The following GRB14 variants were observed in gnomAD, a reference collection of about 807,000 sequenced individuals.
GRB14 encodes growth factor receptor-bound protein 14.
Under a neutral mutation model 69.1 loss-of-function variants are expected in GRB14, and 38 were observed. The observed-to-expected ratio is 0.55, with a 90% CI of 0.42 to 0.72. The LOEUF (loss-of-function observed/expected upper bound fraction) is 0.72, where lower values mean the gene tolerates loss of function less well. Among genes scored for constraint, GRB14 ranks in the 30% least tolerant of loss-of-function variants. The pLI, the probability that GRB14 is intolerant of heterozygous loss-of-function variation, is 0.00. For synonymous variants in GRB14, 247 were observed against 241.3 expected (o/e 1.02, Z -0.22); for missense variants, 666 against 666.1 (o/e 1.00, Z 0.00).
chr2:164,531,339 C>T (rs1250396332), intron 3 of GRB14, among the ~76,000 whole-genome samples: 1 of 152,212 alleles, frequency 6.6e-6, no homozygotes, highest in Non-Finnish European at 1.5e-5. Flanking sequence ...AGCACGGTAT[C>T]TGTATTCTTT....
At chr2:164,509,792 GAA>G (rs10675642) in intron 6 of GRB14, among the ~76,000 whole-genome samples, 1 of 86,250 alleles carries the variant, frequency 1.2e-5, no homozygotes, top group Non-Finnish European at 2.1e-5. Context: ...AGAAGCAGTG[GAA>G]AAAAAAAAAA....
At chr2:164,557,139 G>T (rs1286047656) in intron 2 of GRB14, among the ~76,000 whole-genome samples, 2 of 152,174 alleles carry the variant, frequency 1.3e-5, no homozygotes, top group Non-Finnish European at 2.9e-5. Flanking sequence ...ACACCTGTGT[G>T]GGACAAACAT....
rs898629563 is a variant in GRB14 at position 164,579,355 on chromosome 2, A to G, written c.325-31539T>C. ...GCTATATATACATTTAAGAAAGATG[A>G]GTAAAAACAAGTGAGATAATGATTT... is the stretch of plus-strand genomic sequence containing the variant. On this transcript the variant is annotated intron_variant, in intron 2 of 13. Coordinates refer to ENST00000263915, the MANE Select transcript of GRB14 (RefSeq NM_004490.3). Among the ~76,000 whole-genome samples, 13 of 152,348 alleles carry G rather than the reference A, an allele frequency of 8.5e-5. 1 individual carries two copies. The South Asian group carries it at 2.7e-3, about 32-fold the overall frequency.
At chr2:164,547,514 A>G in intron 3 of GRB14, 146 bp downstream of exon 3, 1 of 562,954 alleles carries the variant, frequency 1.8e-6, no homozygotes, top group East Asian at 2.9e-5. Context: ...GGAAAAAAAG[A>G]AAAAAGAATG....
chr2:164,563,722 CTT>C (rs1161443844), intron 2 of GRB14, among the ~76,000 whole-genome samples: 4 of 152,196 alleles, frequency 2.6e-5, no homozygotes, highest in Admixed American at 6.5e-5. Context: ...AAATAAATCT[CTT>C]TTCCTCCTTA....
chr2:164,583,042 A>G (rs1210665530), intron 2 of GRB14, among the ~76,000 whole-genome samples: 1 of 152,108 alleles, frequency 6.6e-6, no homozygotes, highest in Non-Finnish European at 1.5e-5. Context: ...TTCACCATCC[A>G]CACTTCCCCA....
intron 3 of GRB14, among the ~76,000 whole-genome samples, chr2:164,530,301 T>C (rs925899044): frequency 8.6e-5 from 13 of 152,042 alleles, no homozygotes; most frequent in African/African-American, 2.9e-4. Context: ...TGTGAACAAA[T>C]AGAGTGAGAA....
At chr2:164,590,090 T>C (rs1689627603) in intron 2 of GRB14, among the ~76,000 whole-genome samples, 1 of 152,138 alleles carries the variant, frequency 6.6e-6, no homozygotes, top group Non-Finnish European at 1.5e-5. Flanking sequence ...AATTTCCACA[T>C]ATGAATTTGC....
intron 2 of GRB14, among the ~76,000 whole-genome samples, chr2:164,599,154 T>C (rs1487706279): frequency 3.3e-5 from 5 of 152,140 alleles, no homozygotes. Context: ...AATCTACACA[T>C]GGCTTCTCCA....
chr2:164,577,754 T>C (rs1436113235), intron 2 of GRB14, among the ~76,000 whole-genome samples: 1 of 152,226 alleles, frequency 6.6e-6, no homozygotes, highest in East Asian at 1.9e-4. Flanking sequence ...TGTGCATGCA[T>C]GCAACAGATG....
intron 2 of GRB14, among the ~76,000 whole-genome samples, chr2:164,612,409 G>A (rs1022851904): frequency 6.6e-6 from 1 of 152,190 alleles, no homozygotes; most frequent in Non-Finnish European, 1.5e-5. Context: ...AAAAGGACAA[G>A]AATTAAAGGA....
At chr2:164,583,830 C>T (rs1370507083) in intron 2 of GRB14, among the ~76,000 whole-genome samples, 1 of 152,048 alleles carries the variant, frequency 6.6e-6, no homozygotes, top group Non-Finnish European at 1.5e-5. Context: ...GTAAACATTG[C>T]GGAAAAGTTC....
At chr2:164,509,792 GAAAAA>G (rs10675642) in intron 6 of GRB14, among the ~76,000 whole-genome samples, 3 of 86,228 alleles carry the variant, frequency 3.5e-5, no homozygotes, top group African/African-American at 1.4e-4. Context: ...AGAAGCAGTG[GAAAAA>G]AAAAAAAAAA....
intron 2 of GRB14, among the ~76,000 whole-genome samples, chr2:164,581,338 G>T (rs1002246409): frequency 6.6e-6 from 1 of 152,162 alleles, no homozygotes; most frequent in Non-Finnish European, 1.5e-5. Flanking sequence ...GATCAGGGAA[G>T]ATTACCCTGA....
intron 3 of GRB14, among the ~76,000 whole-genome samples, chr2:164,541,831 C>A (rs2105304763): frequency 6.6e-6 from 1 of 152,204 alleles, no homozygotes; most frequent in Middle Eastern, 3.4e-3. Context: ...CAGTACTCGA[C>A]AGTTAGTTTT....
At chr2:164,565,736 T>C (rs1054521987) in intron 2 of GRB14, among the ~76,000 whole-genome samples, 3 of 152,234 alleles carry the variant, frequency 2.0e-5, no homozygotes, top group Non-Finnish European at 2.9e-5. Flanking sequence ...CTTAATTCAC[T>C]TAAATCAGAG....
chr2:164,583,791 G>T (rs1430742587), intron 2 of GRB14, among the ~76,000 whole-genome samples: 1 of 152,008 alleles, frequency 6.6e-6, no homozygotes, highest in Non-Finnish European at 1.5e-5. Flanking sequence ...CATTAAAATA[G>T]AAATCATTTC....
intron 12 of GRB14, among the ~76,000 whole-genome samples, chr2:164,496,631 T>C (rs916970940): frequency 1.4e-4 from 22 of 152,142 alleles, no homozygotes; most frequent in African/African-American, 4.6e-4. Flanking sequence ...CATAATGTCA[T>C]AATATAAACC....
intron 2 of GRB14, among the ~76,000 whole-genome samples, chr2:164,551,156 G>A (rs936843848): frequency 3.3e-5 from 5 of 152,182 alleles, no homozygotes; most frequent in East Asian, 3.9e-4. Context: ...GTGCACCATC[G>A]CCTCAGCTCC....
Sources: gnomAD v4.1 joint callset for allele counts (sites outside exome capture counted in the v4.1 genomes callset) on GRCh38, gnomAD v4.1.1 for gene constraint, MANE v1.5 for transcripts, NCBI Gene and HGNC (gene_info 2026-07-23, HGNC 2026-07-21) for gene names.